PDE2A: variants seen among roughly 807,000 people sequenced by gnomAD.
PDE2A encodes the protein phosphodiesterase 2A.
PDE2A carries 53 observed loss-of-function variants against 133.6 expected under a neutral mutation model. The observed-to-expected ratio is 0.40, with a 90% CI of 0.32 to 0.50. PDE2A has a LOEUF of 0.50. Among genes scored for constraint, PDE2A ranks in the 20% least tolerant of loss-of-function variants. PDE2A has a pLI of 0.73. For synonymous variants in PDE2A, 491 were observed against 490.2 expected (o/e 1.00, Z -0.02); for missense variants, 796 against 1,232.4 (o/e 0.65, Z 5.30).
intron 2 of PDE2A, among the ~76,000 whole-genome samples, chr11:72,633,690 C>T (rs1255580727): frequency 6.6e-6 from 1 of 152,098 alleles, no homozygotes; most frequent in African/African-American, 2.4e-5. Flanking sequence ...TAGTCTGTGT[C>T]CCAAGGACAG....
intron 2 of PDE2A, among the ~76,000 whole-genome samples, chr11:72,639,437 G>A (rs1436512929): frequency 6.6e-6 from 1 of 152,178 alleles, no homozygotes; most frequent in Non-Finnish European, 1.5e-5. Context: ...GAAGGGCGCT[G>A]GGCCACTATG....
At chr11:72,601,843 C>T (rs575282203) in intron 4 of PDE2A, among the ~76,000 whole-genome samples, 4 of 152,268 alleles carry the variant, frequency 2.6e-5, no homozygotes, top group African/African-American at 9.6e-5. Flanking sequence ...AATTCAGAGC[C>T]TCACCAGCCC....
intron 6 of PDE2A, among the ~76,000 whole-genome samples, chr11:72,593,064 G>A (rs1449720319): frequency 1.3e-5 from 2 of 151,846 alleles, no homozygotes; most frequent in Non-Finnish European, 2.9e-5. Context: ...ACCAGTTCTC[G>A]GGCTGCCTTG....
At chr11:72,670,361 T>G (rs1039011005) in intron 1 of PDE2A, among the ~76,000 whole-genome samples, 50 of 152,178 alleles carry the variant, frequency 3.3e-4, no homozygotes, top group Admixed American at 2.2e-3. Context: ...GAATGAATGA[T>G]GAGTCCTGAT....
rs34720227 is a variant in PDE2A, at chr11:72,595,035, G to GACAC, written c.489+1554_489+1557dup. On this transcript the variant is annotated intron_variant, in intron 6 of 30. Coordinates refer to ENST00000334456, the MANE Select transcript of PDE2A (RefSeq NM_002599.5). ...GATCTGATCCCACCAGCGTCCCTGA[G>GACAC]ACACACACACACACACACACACACA... Among the ~76,000 whole-genome samples the GACAC allele has an allele frequency of 2.1e-3, 319 of 148,756 alleles. 1 individual carries two copies. Among genetic ancestry groups the GACAC allele is most frequent in the Middle Eastern group, 3.4e-3 (1 of 292 alleles).
intron 13 of PDE2A, among the ~76,000 whole-genome samples, chr11:72,587,513 T>C (rs1417535493): frequency 6.6e-6 from 1 of 152,188 alleles, no homozygotes; most frequent in Non-Finnish European, 1.5e-5. Flanking sequence ...TTCCTGCTGA[T>C]ACCACCTCTT....
intron 2 of PDE2A, among the ~76,000 whole-genome samples, chr11:72,640,166 A>T (rs1438067347): frequency 3.3e-5 from 5 of 151,592 alleles, no homozygotes. Flanking sequence ...CACCACACTC[A>T]CACCGTCTCC....
At chr11:72,582,155 C>T in intron 21 of PDE2A, 1 of 610,964 alleles carries the variant, frequency 1.6e-6, no homozygotes, top group Admixed American at 2.9e-5. Flanking sequence ...ACCAAGCCCA[C>T]ACAAAATGTT....
chr11:72,673,665 A>C (rs1855435335), intron 1 of PDE2A, among the ~76,000 whole-genome samples: 1 of 150,682 alleles, frequency 6.6e-6, no homozygotes, highest in Non-Finnish European at 1.5e-5. Flanking sequence ...CTCCAGGGCC[A>C]CTCTTATTCA....
rs531903181 is a variant in PDE2A, at chr11:72,642,277, G to C, written c.121C>G (p.Gln41Glu). ...ACCTGCAGGCTGTCGGCGCATGGCTGCGGCGGCGGCGGCGGCTCGTCCGGC... is the reference window on the plus strand; with the variant it reads ...ACCTGCAGGCTGTCGGCGCATGGCTCCGGCGGCGGCGGCGGCTCGTCCGGC... ...LKPDEPPPPPQPCADSLQDAL... is the reference protein window; with the variant it reads ...LKPDEPPPPPEPCADSLQDAL... The change falls in exon 2 of 31, where the codon CAG becomes GAG. Residue 41 changes from glutamine to glutamate, a missense_variant. Physicochemically the swap from Gln to Glu is conservative, Grantham distance 29. Transcript: ENST00000334456. The C allele has an allele frequency of 1.1e-5, 16 of 1,442,650 alleles. No individual in the cohort carries two copies. The African/African-American group carries it at 1.8e-4, about 16-fold the overall frequency. The allele number at this position is 1,442,650 out of a possible 1,614,324, so 89.4% of individuals were successfully genotyped here. A position where few individuals can be genotyped will look rare whatever the true frequency, so the allele number is the denominator to read the frequency against.
chr11:72,610,155 CCAGGGTTAT>C (rs1184142005), intron 2 of PDE2A, among the ~76,000 whole-genome samples: 1 of 152,080 alleles, frequency 6.6e-6, no homozygotes, highest in African/African-American at 2.4e-5. Context: ...CAGAGGAGAC[CCAGGGTTAT>C]CAGTCTCCAA....
chr11:72,619,071 C>T (rs559301534), intron 2 of PDE2A, among the ~76,000 whole-genome samples: 1 of 152,272 alleles, frequency 6.6e-6, no homozygotes, highest in Admixed American at 6.5e-5. Context: ...CACACACACA[C>T]GCACACACTG....
At chr11:72,663,037 G>T (rs934393821) in intron 1 of PDE2A, among the ~76,000 whole-genome samples, 1 of 152,060 alleles carries the variant, frequency 6.6e-6, no homozygotes, top group African/African-American at 2.4e-5. Context: ...CCTCCACCTG[G>T]AAAACTCTCA....
At chr11:72,655,138 C>T (rs941689435) in intron 1 of PDE2A, among the ~76,000 whole-genome samples, 3 of 152,200 alleles carry the variant, frequency 2.0e-5, no homozygotes, top group African/African-American at 7.2e-5. Context: ...TGCACACCAG[C>T]CTCGCCCCAC....
intron 2 of PDE2A, among the ~76,000 whole-genome samples, chr11:72,610,217 G>A (rs1470225568): frequency 1.3e-5 from 2 of 152,122 alleles, no homozygotes; most frequent in African/African-American, 4.8e-5. Context: ...TCTGAACTCT[G>A]TGGCCCCATG....
chr11:72,615,489 A>G (rs897711996), intron 2 of PDE2A, among the ~76,000 whole-genome samples: 1 of 152,182 alleles, frequency 6.6e-6, no homozygotes, highest in Non-Finnish European at 1.5e-5. Flanking sequence ...GGGAACAGTC[A>G]GAGTGGGTAG....
Position 72,581,952 on chromosome 11 carries a change from A to G in PDE2A, c.1852-5T>C. ...CTGCAGCATGCTCAGGATGGCCTGGAGAGGGCAGAGGGAGGTATCAGAGGG... is the reference window on the plus strand; with the variant it reads ...CTGCAGCATGCTCAGGATGGCCTGGGGAGGGCAGAGGGAGGTATCAGAGGG... On this transcript the variant is annotated splice_polypyrimidine_tract_variant and splice_region_variant and intron_variant, in intron 21 of 30. Coordinates refer to ENST00000334456, the MANE Select transcript of PDE2A (RefSeq NM_002599.5). 1.9e-6 allele frequency: 3 copies of G among 1,613,444 alleles called. No homozygotes were observed. The highest frequency in any genetic ancestry group is 2.5e-6 in the Non-Finnish European group (3 of 1,179,434).
chr11:72,647,196 A>T (rs1859150973), intron 1 of PDE2A, among the ~76,000 whole-genome samples: 1 of 152,190 alleles, frequency 6.6e-6, no homozygotes, highest in Non-Finnish European at 1.5e-5. Flanking sequence ...CCCCATGACC[A>T]CATGTCTTGC....
Position 72,608,651 on chromosome 11 carries a change from C to G in PDE2A, c.234+11G>C, listed in dbSNP as rs370138339. ...TGGGGTGGGAAGCGTGGGGCAAGGG[C>G]GGGCACCTACCACTCGGGGGAGCAC... On this transcript the variant is annotated intron_variant, in intron 3 of 30. Coordinates refer to ENST00000334456, the MANE Select transcript of PDE2A (RefSeq NM_002599.5). 1 of 1,431,090 alleles carries G rather than the reference C, an allele frequency of 7.0e-7. No individual in the cohort carries two copies. The highest frequency in any genetic ancestry group is 9.7e-7 in the Non-Finnish European group (1 of 1,031,686). The allele number at this position is 1,431,090 out of a possible 1,614,324, so 88.6% of individuals were successfully genotyped here.
Sources: allele counts gnomAD v4.1 joint callset (sites outside exome capture counted in the v4.1 genomes callset), GRCh38; gene constraint gnomAD v4.1.1; transcripts MANE v1.5; gene names NCBI Gene and HGNC (gene_info 2026-07-23, HGNC 2026-07-21).